KIF15: variants seen among roughly 807,000 people sequenced by gnomAD.
KIF15 encodes the protein kinesin-like protein KIF15.
A neutral mutation model predicts 190.6 loss-of-function variants in KIF15; 140 were observed. The observed-to-expected ratio is 0.73, with a 90% CI of 0.64 to 0.84. The LOEUF (loss-of-function observed/expected upper bound fraction) is 0.84. Among genes scored for constraint, KIF15 ranks in the 40% least tolerant of loss-of-function variants. The pLI is 0.00. For missense variants in KIF15, 1,372 were observed against 1,584.4 expected (o/e 0.87, Z 2.28); for synonymous variants, 528 against 551.3 (o/e 0.96, Z 0.59).
At chr3:44,833,527 C>T (rs892053729) in intron 26 of KIF15, among the ~76,000 whole-genome samples, 3 of 151,900 alleles carry the variant, frequency 2.0e-5, no homozygotes, top group Admixed American at 6.6e-5. Context: ...ATCCCTGGCA[C>T]GCAGTTTGCA....
intron 29 of KIF15, among the ~76,000 whole-genome samples, chr3:44,841,681 A>T (rs1698614062): frequency 6.6e-6 from 1 of 152,128 alleles, no homozygotes; most frequent in Non-Finnish European, 1.5e-5. Context: ...TACAGGTGTG[A>T]GCCACCGCGC....
chr3:44,816,450 C>G (rs1490236193), intron 20 of KIF15, among the ~76,000 whole-genome samples: 2 of 147,000 alleles, frequency 1.4e-5, no homozygotes, highest in African/African-American at 5.0e-5. Context: ...TCCACGTGTT[C>G]TCATTGTTCA....
chr3:44,849,289 G>T (rs1698977928), intron 32 of KIF15, among the ~76,000 whole-genome samples: 1 of 152,072 alleles, frequency 6.6e-6, no homozygotes, highest in African/African-American at 2.4e-5. Context: ...TTGTTACAAA[G>T]AATAGACATT....
chr3:44,821,716 CAG>C (rs1007268744), intron 20 of KIF15, among the ~76,000 whole-genome samples: 9 of 152,018 alleles, frequency 5.9e-5, no homozygotes, highest in African/African-American at 2.2e-4. Context: ...ACTTCCCAGA[CAG>C]GGTGGCGGCT....
intron 1 of KIF15, among the ~76,000 whole-genome samples, chr3:44,767,932 G>A (rs1348945907): frequency 6.7e-6 from 1 of 149,298 alleles, no homozygotes; most frequent in Admixed American, 6.7e-5. Context: ...TGGAGCTCAG[G>A]ACAGCAGTCC....
Position 44,852,979 on chromosome 3 carries a change from AC to A in KIF15, c.*246del, listed in dbSNP as rs1699115468. On this transcript the variant is annotated 3_prime_UTR_variant, in exon 35 of 35. Coordinates refer to ENST00000326047, the MANE Select transcript of KIF15 (RefSeq NM_020242.3). Reference sequence around the variant, plus strand: ...AGGCTTTGAATCAACTTAAGGGAAAACCTTTTGTCTTTGTAAAAATAAAAGC... The same window carrying A: ...AGGCTTTGAATCAACTTAAGGGAAAACTTTTGTCTTTGTAAAAATAAAAGC... 6.4e-6 allele frequency: 2 copies of A among 312,640 alleles called. No individual in the cohort carries two copies. The highest frequency in any genetic ancestry group is 1.1e-4 in the East Asian group (2 of 18,410). 19.4% of individuals were successfully genotyped at this position (312,640 alleles called of 1,614,324 possible).
At chr3:44,794,519 A>C in intron 8 of KIF15, 93 bp downstream of exon 8, 2 of 920,264 alleles carry the variant, frequency 2.2e-6, no homozygotes, top group Non-Finnish European at 3.3e-6. Flanking sequence ...GTCAATGAGG[A>C]ACTGCATTTA....
At chr3:44,829,502 A>ATT (rs1174626338) in intron 24 of KIF15, among the ~76,000 whole-genome samples, 1 of 85,060 alleles carries the variant, frequency 1.2e-5, no homozygotes, top group Non-Finnish European at 2.2e-5. Context: ...ATGCATATAT[A>ATT]ATATACGCAT....
At chr3:44,860,842 A>G (rs1435866411) in intron 6 of KIF15, among the ~76,000 whole-genome samples, 3 of 152,280 alleles carry the variant, frequency 2.0e-5, no homozygotes, top group African/African-American at 4.8e-5. Flanking sequence ...ATATTCTATA[A>G]TTTTTTTAAC....
In KIF15 at chr3:44,797,916, C is replaced by A. The variant is rs763859357; in HGVS notation, c.1058C>A (p.Thr353Lys). The A allele has an allele frequency of 1.9e-6, 3 of 1,613,792 alleles. No homozygotes were observed. Among genetic ancestry groups the A allele is most frequent in the Non-Finnish European group, 2.5e-6 (3 of 1,179,934 alleles). Residue 353 changes from threonine to lysine, a missense_variant, in exon 10 of 35, where the codon ACA becomes AAA. Transcript: ENST00000326047. ...AGGTGTTTTGGGGAAACCCTATCAA[C>A]ACTTAACTTTGCTCAAAGAGCCAAG... ...GSRCFGETLS[T>K]LNFAQRAKLI...
chr3:44,851,246 G>T (rs1449187519), intron 32 of KIF15, among the ~76,000 whole-genome samples: 1 of 152,168 alleles, frequency 6.6e-6, no homozygotes, highest in Admixed American at 6.5e-5. Context: ...AGCCTGGGCA[G>T]CAGAGTGAGA....
intron 1 of KIF15, among the ~76,000 whole-genome samples, chr3:44,769,479 C>T (rs1418628175): frequency 6.6e-6 from 1 of 152,198 alleles, no homozygotes; most frequent in Admixed American, 6.5e-5. Context: ...GTTAACAGGG[C>T]TTACCCACGT....
At chr3:44,818,373 G>A (rs1392471992) in intron 20 of KIF15, among the ~76,000 whole-genome samples, 2 of 152,188 alleles carry the variant, frequency 1.3e-5, no homozygotes, top group Non-Finnish European at 2.9e-5. Context: ...GATATTGGCT[G>A]TGGGTTTGTC....
intron 1 of KIF15, among the ~76,000 whole-genome samples, chr3:44,772,866 C>A (rs1184135179): frequency 6.6e-6 from 1 of 152,194 alleles, no homozygotes; most frequent in Non-Finnish European, 1.5e-5. Flanking sequence ...ACAGGCCGTG[C>A]TTCCAAGGAC....
At chr3:44,834,936 AAAT>A (rs998767981) in intron 26 of KIF15, among the ~76,000 whole-genome samples, 1 of 150,668 alleles carries the variant, frequency 6.6e-6, no homozygotes, top group Non-Finnish European at 1.5e-5. Context: ...CCATCTCAAA[AAAT>A]AATAATAAAG....
At position 44,789,176 on chromosome 3, in the gene KIF15, T is replaced by C. The variant is rs111396441; in HGVS notation, c.639+2602T>C. On this transcript the variant is annotated intron_variant, in intron 7 of 34. Transcript: ENST00000326047. ...TTCTTAAGCTGGATGTTTACTCACG[T>C]TGGCATTTCTTTTGTGATATAAGTA... Among the ~76,000 whole-genome samples the C allele has an allele frequency of 3.5e-3, 536 of 152,304 alleles. 4 individuals are homozygous for C. The highest frequency in any genetic ancestry group is 0.012 in the African/African-American group (511 of 41,582).
chr3:44,796,934 A>AT (rs1389409132), intron 8 of KIF15, among the ~76,000 whole-genome samples: 1 of 151,378 alleles, frequency 6.6e-6, no homozygotes, highest in African/African-American at 2.4e-5. Context: ...TTTTTTCCCT[A>AT]TTTTTTTCTG....
intron 31 of KIF15, 54 bp downstream of exon 31, chr3:44,848,111 GTTAGTATTTATGGTAGTATAT>G: frequency 9.2e-7 from 1 of 1,088,246 alleles, no homozygotes; most frequent in South Asian, 1.4e-5. Context: ...TGCTTTTATA[GTTAGTATTTATGGTAGTATAT>G]TTTAGAAATC....
downstream of KIF15, among the ~76,000 whole-genome samples, chr3:44,853,573 A>C (rs1699138181): frequency 6.6e-6 from 1 of 152,270 alleles, no homozygotes; most frequent in Non-Finnish European, 1.5e-5. Flanking sequence ...GCCTAGGAGT[A>C]GAATTACTGG....
Sources: allele counts gnomAD v4.1 joint callset (sites outside exome capture counted in the v4.1 genomes callset), GRCh38; gene constraint gnomAD v4.1.1; transcripts MANE v1.5; gene names NCBI Gene and HGNC (gene_info 2026-07-23, HGNC 2026-07-21).